The following PCDH15 variants were observed in gnomAD, a reference collection of about 807,000 sequenced individuals.
PCDH15 encodes protocadherin-15.
In PCDH15, 129 loss-of-function variants were observed where a neutral mutation model predicts 178.5. The ratio of observed to expected loss-of-function variants is 0.72; its 90% CI spans 0.63 to 0.84. PCDH15 has a LOEUF of 0.84. Among genes scored for constraint, PCDH15 ranks in the 40% least tolerant of loss-of-function variants. The pLI is 0.00. For synonymous variants in PCDH15, 800 were observed against 732.0 expected (o/e 1.09, Z -1.50); for missense variants, 2,230 against 2,099.9 (o/e 1.06, Z -1.21).
chr10:53,817,521 T>C (rs1364177846), intron 34 of PCDH15, among the ~76,000 whole-genome samples: 1 of 147,812 alleles, frequency 6.8e-6, no homozygotes. Flanking sequence ...TTTTTCTTTT[T>C]TTTTTCTTTT....
intron 2 of PCDH15, among the ~76,000 whole-genome samples, chr10:55,078,090 T>A (rs1411630882): frequency 6.6e-6 from 1 of 152,228 alleles, no homozygotes; most frequent in East Asian, 1.9e-4. Context: ...TTTTCTGGAG[T>A]TAGTATCCTT....
intron 2 of PCDH15, among the ~76,000 whole-genome samples, chr10:55,333,376 GGTT>G (rs200234937): frequency 0.012 from 1,816 of 150,386 alleles, 50 homozygotes; most frequent in African/African-American, 0.043. Flanking sequence ...TCTTTTTTTT[GGTT>G]GTTGTTGTTT....
At chr10:55,068,152 T>C (rs1841616234) in intron 2 of PCDH15, among the ~76,000 whole-genome samples, 2 of 152,244 alleles carry the variant, frequency 1.3e-5, no homozygotes, top group South Asian at 4.1e-4. Context: ...TGTAAATTCT[T>C]TGCCTACTCT....
At chr10:54,235,349 G>A (rs1452591596) in intron 9 of PCDH15, among the ~76,000 whole-genome samples, 1 of 152,192 alleles carries the variant, frequency 6.6e-6, no homozygotes. Flanking sequence ...CACAGGGTAG[G>A]TGATCGTTTG....
In PCDH15 at chr10:55,186,774, G is replaced by A. The variant is rs531488610; in HGVS notation, c.-155-20123C>T. Among the ~76,000 whole-genome samples the A allele has an allele frequency of 3.2e-3, 489 of 150,718 alleles. 1 individual carries two copies. The highest frequency in any genetic ancestry group is 0.012 in the African/African-American group (479 of 41,138). ...GTGTGTGTGTGTATTTTTTTTTCCT[G>A]AAAAATTTGCTAGTAAGTTGCTGAT... On this transcript the variant is annotated intron_variant, in intron 1 of 5. Transcript: ENST00000458638.
chr10:54,652,700 G>T (rs1015018716), intron 2 of PCDH15, among the ~76,000 whole-genome samples: 2 of 152,148 alleles, frequency 1.3e-5, no homozygotes, highest in African/African-American at 4.8e-5. Flanking sequence ...ATGTGAAGAG[G>T]CAGCAAGAGG....
chr10:54,987,479 C>G (rs1281611190), intron 2 of PCDH15, among the ~76,000 whole-genome samples: 1 of 152,174 alleles, frequency 6.6e-6, no homozygotes, highest in Non-Finnish European at 1.5e-5. Flanking sequence ...ATACTCCCAC[C>G]AACAGTGTAA....
intron 2 of PCDH15, among the ~76,000 whole-genome samples, chr10:55,027,485 C>A (rs1312818084): frequency 1.3e-5 from 2 of 151,824 alleles, no homozygotes; most frequent in Non-Finnish European, 3.0e-5. Flanking sequence ...CTAGAAATTT[C>A]TGTCCTATGA....
chr10:55,613,607 T>C (rs1366735949), intron 2 of PCDH15, among the ~76,000 whole-genome samples: 1 of 152,176 alleles, frequency 6.6e-6, no homozygotes, highest in Non-Finnish European at 1.5e-5. Flanking sequence ...GTGACAATGA[T>C]CCCTATTTCT....
At chr10:55,283,644 T>C (rs1362729272) in intron 1 of PCDH15, among the ~76,000 whole-genome samples, 2 of 151,162 alleles carry the variant, frequency 1.3e-5, no homozygotes, top group African/African-American at 4.9e-5. Flanking sequence ...CACTATTAAG[T>C]ACTTGGTATA....
intron 3 of PCDH15, among the ~76,000 whole-genome samples, chr10:54,469,231 G>A (rs1223775940): frequency 2.6e-5 from 4 of 152,066 alleles, no homozygotes; most frequent in African/African-American, 9.7e-5. Flanking sequence ...TGAGTAGCTG[G>A]GACTACAGGC....
intron 2 of PCDH15, among the ~76,000 whole-genome samples, chr10:54,998,151 G>T (rs1195309739): frequency 1.3e-5 from 2 of 152,000 alleles, no homozygotes; most frequent in Non-Finnish European, 2.9e-5. Context: ...TCATCTAAAG[G>T]TTAATTCAAA....
intron 13 of PCDH15, among the ~76,000 whole-genome samples, chr10:54,180,891 C>A (rs2047926410): frequency 6.6e-6 from 1 of 152,072 alleles, no homozygotes; most frequent in Non-Finnish European, 1.5e-5. Context: ...ATATAAAAGT[C>A]TTGAAAGGCA....
intron 18 of PCDH15, among the ~76,000 whole-genome samples, chr10:54,033,363 T>C (rs1236118046): frequency 6.6e-6 from 1 of 151,936 alleles, no homozygotes; most frequent in Non-Finnish European, 1.5e-5. Context: ...CCATGCTTTA[T>C]ACATAAGAAA....
intron 3 of PCDH15, among the ~76,000 whole-genome samples, chr10:54,491,606 G>A (rs2079601902): frequency 6.6e-6 from 1 of 152,034 alleles, no homozygotes; most frequent in African/African-American, 2.4e-5. Flanking sequence ...AGAAAGCAGT[G>A]GGGACAATTT....
At chr10:54,577,757 C>G (rs1190039019) in intron 2 of PCDH15, among the ~76,000 whole-genome samples, 1 of 151,944 alleles carries the variant, frequency 6.6e-6, no homozygotes, top group East Asian at 1.9e-4. Flanking sequence ...AAAACCATCT[C>G]CTGGAGGCAC....
intron 9 of PCDH15, among the ~76,000 whole-genome samples, chr10:54,232,289 G>A (rs913720941): frequency 6.6e-6 from 1 of 152,122 alleles, no homozygotes; most frequent in African/African-American, 2.4e-5. Flanking sequence ...CTCTGGCCAC[G>A]TAAGATGCGC....
chr10:55,348,038 C>T (rs114964613), intron 2 of PCDH15, among the ~76,000 whole-genome samples: 3,202 of 151,994 alleles, frequency 0.021, 51 homozygotes, highest in Middle Eastern at 0.054. Flanking sequence ...ACAAATAATA[C>T]AAAAATTTCC....
At position 54,084,883 on chromosome 10, in the gene PCDH15, A is replaced by G. The variant is rs551409252; in HGVS notation, c.1997+5101T>C. ...CAGATTTATCACATTGCTTTTGGGCACTGAGTTTCAGGCTTTACAATGATA... is the reference window on the plus strand; with the variant it reads ...CAGATTTATCACATTGCTTTTGGGCGCTGAGTTTCAGGCTTTACAATGATA... On this transcript the variant is annotated intron_variant, in intron 16 of 37. Transcript: ENST00000644397. Among the ~76,000 whole-genome samples the G allele has an allele frequency of 3.9e-5, 6 of 152,302 alleles. No homozygotes were observed. The South Asian group carries it at 1.2e-3, about 32-fold the overall frequency.
Sources: allele counts gnomAD v4.1 joint callset (sites outside exome capture counted in the v4.1 genomes callset), GRCh38; gene constraint gnomAD v4.1.1; transcripts MANE v1.5; gene names NCBI Gene and HGNC (gene_info 2026-07-23, HGNC 2026-07-21).